TMPRSS11E: variants seen among roughly 807,000 people sequenced by gnomAD.
TMPRSS11E encodes the protein transmembrane serine protease 11E.
A neutral mutation model predicts 48.1 loss-of-function variants in TMPRSS11E; 38 were observed. The observed-to-expected ratio is 0.79, with a 90% CI of 0.61 to 1.04. TMPRSS11E has a LOEUF of 1.04. Among genes scored for constraint, TMPRSS11E ranks in the 50% least tolerant of loss-of-function variants. TMPRSS11E has a pLI of 0.00. For synonymous variants in TMPRSS11E, 158 were observed against 171.9 expected (o/e 0.92, Z 0.63); for missense variants, 530 against 510.8 (o/e 1.04, Z -0.36).
intron 1 of TMPRSS11E, among the ~76,000 whole-genome samples, chr4:68,458,042 T>C (rs1390312499): frequency 6.6e-6 from 1 of 152,154 alleles, no homozygotes; most frequent in Admixed American, 6.5e-5. Flanking sequence ...GTAACACACC[T>C]GCACATTCTG....
chr4:68,458,473 A>T (rs1037493199), intron 1 of TMPRSS11E, among the ~76,000 whole-genome samples: 3 of 152,232 alleles, frequency 2.0e-5, no homozygotes, highest in African/African-American at 7.2e-5. Flanking sequence ...GTTAGAATTC[A>T]ATCAGTCTAT....
intron 9 of TMPRSS11E, among the ~76,000 whole-genome samples, chr4:68,495,574 G>C (rs1184303571): frequency 6.6e-6 from 1 of 152,028 alleles, no homozygotes; most frequent in African/African-American, 2.4e-5. Flanking sequence ...TTATTGGTTA[G>C]TTGATTTAAA....
chr4:68,462,608 G>A (rs1019638075), intron 2 of TMPRSS11E, among the ~76,000 whole-genome samples: 9 of 150,814 alleles, frequency 6.0e-5, no homozygotes, highest in Non-Finnish European at 1.3e-4. Flanking sequence ...AATCCAACTC[G>A]TTGAAGTCCT....
At chr4:68,457,597 C>T (rs773407056) in intron 1 of TMPRSS11E, among the ~76,000 whole-genome samples, 16 of 152,032 alleles carry the variant, frequency 1.1e-4, no homozygotes, top group East Asian at 9.6e-4. Context: ...CACATGCACA[C>T]GTATGTTTAT....
At chr4:68,487,990 C>T (rs1729610058) in intron 9 of TMPRSS11E, among the ~76,000 whole-genome samples, 1 of 151,000 alleles carries the variant, frequency 6.6e-6, no homozygotes, top group East Asian at 1.9e-4. Context: ...TATAGGTCCC[C>T]AATCTCTTTT....
intron 1 of TMPRSS11E, among the ~76,000 whole-genome samples, chr4:68,450,410 G>C (rs184695671): frequency 6.6e-6 from 1 of 151,844 alleles, no homozygotes; most frequent in Non-Finnish European, 1.5e-5. Flanking sequence ...AGTAAGTGTC[G>C]AATCTAGAAT....
At position 68,484,473 on chromosome 4, in the gene TMPRSS11E, A is replaced by G. The variant is rs376838421; in HGVS notation, c.1110+5482A>G. Among the ~76,000 whole-genome samples the G allele has an allele frequency of 1.9e-3, 286 of 152,032 alleles. 1 individual carries two copies. Among genetic ancestry groups the G allele is most frequent in the Non-Finnish European group, 3.3e-3 (223 of 67,966 alleles). On this transcript the variant is annotated intron_variant, in intron 9 of 9. Transcript: ENST00000305363. Reference sequence around the variant, plus strand: ...AGGCATTCACCACCACACATGGCTAATTTTTTAGATTTTTGGTAGAGATGG... The same window carrying G: ...AGGCATTCACCACCACACATGGCTAGTTTTTTAGATTTTTGGTAGAGATGG...
At chr4:68,485,560 G>T (rs1170768273) in intron 9 of TMPRSS11E, among the ~76,000 whole-genome samples, 1 of 152,126 alleles carries the variant, frequency 6.6e-6, no homozygotes, top group East Asian at 1.9e-4. Context: ...CAAGTATTTT[G>T]TTGAGGATTT....
At chr4:68,494,311 C>T (rs1729810527) in intron 9 of TMPRSS11E, among the ~76,000 whole-genome samples, 1 of 152,102 alleles carries the variant, frequency 6.6e-6, no homozygotes, top group Non-Finnish European at 1.5e-5. Context: ...CCATTTGAAA[C>T]TCAACAGGCA....
chr4:68,458,074 A>C (rs550558005), intron 1 of TMPRSS11E, among the ~76,000 whole-genome samples: 1 of 152,232 alleles, frequency 6.6e-6, no homozygotes, highest in Non-Finnish European at 1.5e-5. Context: ...CAAAACTTAA[A>C]GTATAATTTT....
At chr4:68,462,022 G>A in intron 2 of TMPRSS11E, 77 bp downstream of exon 2, 1 of 1,569,902 alleles carries the variant, frequency 6.4e-7, no homozygotes. Flanking sequence ...ATTTGCCTCA[G>A]GCTTATTCAT....
intron 5 of TMPRSS11E, among the ~76,000 whole-genome samples, chr4:68,472,321 TTAAAAA>T (rs1729096449): frequency 6.6e-6 from 1 of 151,994 alleles, no homozygotes; most frequent in South Asian, 2.1e-4. Context: ...AGAAGTTACA[TTAAAAA>T]TAAAAATAAA....
At chr4:68,450,622 A>G (rs565865136) in intron 1 of TMPRSS11E, among the ~76,000 whole-genome samples, 1 of 152,090 alleles carries the variant, frequency 6.6e-6, no homozygotes, top group Non-Finnish European at 1.5e-5. Flanking sequence ...AGATGTAAAG[A>G]CTAATATGAA....
At chr4:68,475,428 A>C (rs148753424) in intron 6 of TMPRSS11E, among the ~76,000 whole-genome samples, 1,743 of 152,212 alleles carry the variant, frequency 0.011, 131 homozygotes, top group Admixed American at 0.1. Context: ...AATATGTGCT[A>C]CTCACCAGCT....
chr4:68,451,071 TG>T (rs779958368), intron 1 of TMPRSS11E, among the ~76,000 whole-genome samples: 29 of 151,934 alleles, frequency 1.9e-4, no homozygotes, highest in South Asian at 4.2e-4. Flanking sequence ...GTATTAGCAC[TG>T]AGATTTATAA....
At chr4:68,466,776 T>G in intron 3 of TMPRSS11E, 24 bp downstream of exon 3, 1 of 1,612,842 alleles carries the variant, frequency 6.2e-7, no homozygotes. Flanking sequence ...CATCTACTTC[T>G]AGTGCATTTG....
chr4:68,460,894 T>G (rs1057320367), intron 1 of TMPRSS11E, among the ~76,000 whole-genome samples: 1 of 151,652 alleles, frequency 6.6e-6, no homozygotes, highest in African/African-American at 2.4e-5. Context: ...TTTTTTTTTT[T>G]TTTTAAGACG....
At chr4:68,457,832 A>C (rs561239775) in intron 1 of TMPRSS11E, among the ~76,000 whole-genome samples, 1 of 152,248 alleles carries the variant, frequency 6.6e-6, no homozygotes, top group South Asian at 2.1e-4. Flanking sequence ...TAACACAGGA[A>C]CAGAAAACCA....
intron 9 of TMPRSS11E, among the ~76,000 whole-genome samples, chr4:68,494,775 C>T (rs1186169160): frequency 6.6e-6 from 1 of 152,146 alleles, no homozygotes; most frequent in Non-Finnish European, 1.5e-5. Flanking sequence ...AGTCTGGTGG[C>T]TTACTCAGGG....
Sources: gnomAD v4.1 joint callset for allele counts (sites outside exome capture counted in the v4.1 genomes callset) on GRCh38, gnomAD v4.1.1 for gene constraint, MANE v1.5 for transcripts, NCBI Gene and HGNC (gene_info 2026-07-23, HGNC 2026-07-21) for gene names.